The following SSBP4 variants were observed in gnomAD, a reference collection of about 807,000 sequenced individuals.
SSBP4 encodes the protein single stranded DNA binding protein 4, also known as single-stranded DNA-binding protein 4.
SSBP4 carries 33 observed loss-of-function variants against 64.6 expected under a neutral mutation model. The observed-to-expected ratio is 0.51, with a 90% CI of 0.39 to 0.68. The LOEUF (loss-of-function observed/expected upper bound fraction) is 0.68. Among genes scored for constraint, SSBP4 ranks in the 30% least tolerant of loss-of-function variants. SSBP4 has a pLI of 0.00. For missense variants in SSBP4, 583 were observed against 566.8 expected, an observed-to-expected ratio of 1.03 and a Z score of -0.29; for synonymous variants, 243 against 224.0, an observed-to-expected ratio of 1.08 and a Z score of -0.76.
chr19:18,433,043 T>G lies in SSBP4; in HGVS notation c.912T>G (p.Asn304Lys), dbSNP rs1447636989. 2 of 1,613,926 alleles carry G rather than the reference T, an allele frequency of 1.2e-6. No homozygotes were observed. The highest frequency in any genetic ancestry group is 1.7e-6 in the Non-Finnish European group (2 of 1,179,950). ...NPIGQGAGRA[N>K]FPLGPGPEGP... ...TCGGGCAGGGCGCCGGCAGGGCTAATGTGAGTGGGGGCTTGCAGGGGTGCT... is the reference window on the plus strand; with the variant it reads ...TCGGGCAGGGCGCCGGCAGGGCTAAGGTGAGTGGGGGCTTGCAGGGGTGCT... The change falls in exon 14 of 18, where the codon AAT becomes AAG. Residue 304 changes from asparagine to lysine, a missense_variant and splice_region_variant. Physicochemically the swap from Asn to Lys is moderately conservative, Grantham distance 94. Transcript: ENST00000270061.
the SSBP4 span, among the ~76,000 whole-genome samples, chr19:18,407,557 G>C: frequency 9.3e-5 from 14 of 150,814 alleles, 1 homozygote; most frequent in South Asian, 1.9e-3. Context: ...GCTGGGACTA[G>C]AGTAGCTGGG....
chr19:18,411,140 T>G, the SSBP4 span, among the ~76,000 whole-genome samples: 2 of 152,006 alleles, frequency 1.3e-5, no homozygotes, highest in African/African-American at 4.8e-5. Flanking sequence ...AGAAACCTCC[T>G]GCCCGCATGG....
chr19:18,414,221 G>C (rs1806914410), upstream of SSBP4, among the ~76,000 whole-genome samples: 1 of 152,162 alleles, frequency 6.6e-6, no homozygotes, highest in Non-Finnish European at 1.5e-5. Context: ...GAGTCTCCCA[G>C]ACCAGACAGG....
At chr19:18,419,191 A>T, upstream of SSBP4, 1 of 985,886 alleles carries the variant, frequency 1.0e-6, no homozygotes, top group Non-Finnish European at 1.2e-6. Context: ...TGCAGCCGCG[A>T]TCAGCTGTGC....
At chr19:18,409,548 C>T in the SSBP4 span, among the ~76,000 whole-genome samples, 2 of 152,038 alleles carry the variant, frequency 1.3e-5, no homozygotes, top group African/African-American at 4.8e-5. Context: ...AAAAAAAATG[C>T]CATGGCCAAA....
At chr19:18,429,292 G>T (rs1051280587) in intron 4 of SSBP4, among the ~76,000 whole-genome samples, 1 of 151,934 alleles carries the variant, frequency 6.6e-6, no homozygotes, top group African/African-American at 2.4e-5. Flanking sequence ...GCCGACCTTG[G>T]CGTCTCCAGG....
At position 18,427,286 on chromosome 19, in the gene SSBP4, A is replaced by ATT. The variant is rs1182617531; in HGVS notation, c.60-65_60-64insTT. On this transcript the variant is annotated intron_variant, in intron 1 of 17. Coordinates refer to ENST00000270061, the MANE Select transcript of SSBP4 (RefSeq NM_032627.5). This position sits in a 1 kb window ranked among gnomAD's most constrained non-coding sequence, Gnocchi z 4.4. ...TTCCACCCGCCCTCCTGAGAGATGG[A>ATT]GGGGCTTTGGGGTGGGCCCTTGCCT... The ATT allele has an allele frequency of 6.4e-7, 1 of 1,555,576 alleles. No individual in the cohort carries two copies. Among genetic ancestry groups the ATT allele is most frequent in the Non-Finnish European group, 8.7e-7 (1 of 1,143,248 alleles).
chr19:18,404,328 T>C, the SSBP4 span, among the ~76,000 whole-genome samples: 1 of 152,042 alleles, frequency 6.6e-6, no homozygotes, highest in Non-Finnish European at 1.5e-5. Context: ...GCATGGTGGC[T>C]GACGCCTGTA....
intron 1 of SSBP4, 42 bp downstream of exon 1, chr19:18,419,749 T>C: frequency 9.0e-7 from 1 of 1,114,764 alleles, no homozygotes; most frequent in Non-Finnish European, 1.1e-6. Context: ...TCCGCGCTCT[T>C]CCGTGGGCTC....
Position 18,432,090 on chromosome 19 carries a change from G to T in SSBP4, c.636+20G>T. 1 of 1,601,114 alleles carries T rather than the reference G, an allele frequency of 6.2e-7. No individual in the cohort carries two copies. The highest frequency in any genetic ancestry group is 8.5e-7 in the Non-Finnish European group (1 of 1,171,642). On this transcript the variant is annotated intron_variant, in intron 9 of 17. Transcript: ENST00000270061. ...CCCCAGGTAAGAGTGGAGCCCTGGT[G>T]GGTGGGGCCTTCGGGCTGTCCCCGG... is the stretch of plus-strand genomic sequence containing the variant.
Position 18,427,271 on chromosome 19 carries a change from C to T in SSBP4, c.60-80C>T, listed in dbSNP as rs1972921969. 1 of 1,492,102 alleles carries T rather than the reference C, an allele frequency of 6.7e-7. No homozygotes were observed. Among genetic ancestry groups the T allele is most frequent in the Non-Finnish European group, 9.1e-7 (1 of 1,093,292 alleles). The allele number at this position is 1,492,102 out of a possible 1,614,324, so 92.4% of individuals were successfully genotyped here. A position where few individuals can be genotyped will look rare whatever the true frequency, so the allele number is the denominator to read the frequency against. ...GTGGGGAGGCCACCTTTCCACCCGC[C>T]CTCCTGAGAGATGGAGGGGCTTTGG... is the stretch of plus-strand genomic sequence containing the variant. On this transcript the variant is annotated intron_variant, in intron 1 of 17. Transcript: ENST00000270061. This position sits in a 1 kb window ranked among gnomAD's most constrained non-coding sequence, Gnocchi z 4.4.
At position 18,433,496 on chromosome 19, in the gene SSBP4, G is replaced by A. The variant is rs1028079828; in HGVS notation, c.992-89G>A. On this transcript the variant is annotated intron_variant, in intron 15 of 17. Coordinates refer to ENST00000270061, the MANE Select transcript of SSBP4 (RefSeq NM_032627.5). Reference sequence around the variant, plus strand: ...GCGGGGCGGGGGCGCGTCGGCGGGGGCAGCTTGCGAGGGTCGTTGGCCCCT... The same window carrying A: ...GCGGGGCGGGGGCGCGTCGGCGGGGACAGCTTGCGAGGGTCGTTGGCCCCT... 22 of 1,468,352 alleles carry A rather than the reference G, an allele frequency of 1.5e-5. No individual in the cohort carries two copies. The Admixed American group carries it at 1.6e-4, about 11-fold the overall frequency. 91.0% of individuals were successfully genotyped at this position (1,468,352 alleles called of 1,614,324 possible). A position where few individuals can be genotyped will look rare whatever the true frequency, so the allele number is the denominator to read the frequency against.
rs1457508855 is a variant in SSBP4 at position 18,423,103 on chromosome 19, G to T, written c.59+3396G>T. Among the ~76,000 whole-genome samples the T allele has an allele frequency of 6.6e-6, 1 of 152,202 alleles. No individual in the cohort carries two copies. Among genetic ancestry groups the T allele is most frequent in the Non-Finnish European group, 1.5e-5 (1 of 68,026 alleles). Reference sequence around the variant, plus strand: ...CAGCAGAGTGGGCTGAGGGAGGCTGGGGTCTGAGTGGGCCACTTGCAAGAA... The same window carrying T: ...CAGCAGAGTGGGCTGAGGGAGGCTGTGGTCTGAGTGGGCCACTTGCAAGAA... On this transcript the variant is annotated intron_variant, in intron 1 of 17. Transcript: ENST00000270061. This position sits in a 1 kb window ranked among gnomAD's most constrained non-coding sequence, Gnocchi z 4.0.
rs773958581 is a variant in SSBP4, at chr19:18,433,092, G to C, written c.913-43G>C. The C allele has an allele frequency of 3.1e-6, 5 of 1,613,476 alleles. No homozygotes were observed. The Admixed American group carries it at 8.3e-5, about 27-fold the overall frequency. ...CTTCTCGAGGCGGTGACCCCACTTG[G>C]GGAATGGGTGGCCCGAGTCCCACGC... On this transcript the variant is annotated intron_variant, in intron 14 of 17. Transcript: ENST00000270061.
chr19:18,429,235 GGGGGA>G (rs1189695165), intron 4 of SSBP4, among the ~76,000 whole-genome samples: 1 of 152,072 alleles, frequency 6.6e-6, no homozygotes, highest in Non-Finnish European at 1.5e-5. Context: ...CCTCCGAGGC[GGGGGA>G]GGGGGGCGGG....
At chr19:18,422,389 T>C (rs998362160) in intron 1 of SSBP4, among the ~76,000 whole-genome samples, 2 of 152,048 alleles carry the variant, frequency 1.3e-5, no homozygotes, top group Non-Finnish European at 2.9e-5. Context: ...CAGCTGCCAG[T>C]GGGGAGGCTG....
At chr19:18,404,270 C>G in the SSBP4 span, among the ~76,000 whole-genome samples, 1 of 151,918 alleles carries the variant, frequency 6.6e-6, no homozygotes, top group Admixed American at 6.6e-5. Flanking sequence ...CAGAGACCCT[C>G]AGAGATCCCC....
upstream of SSBP4, among the ~76,000 whole-genome samples, chr19:18,416,865 G>A (rs941612074): frequency 6.6e-6 from 1 of 152,196 alleles, no homozygotes; most frequent in Non-Finnish European, 1.5e-5. Flanking sequence ...CGCAAGGCGT[G>A]CGCCCTGGTT....
rs367852021 is a variant in SSBP4 at position 18,433,050 on chromosome 19, G to C, written c.912+7G>C. ...GGGCGCCGGCAGGGCTAATGTGAGT[G>C]GGGGCTTGCAGGGGTGCTTCTCGAG... On this transcript the variant is annotated splice_region_variant and intron_variant, in intron 14 of 17. Transcript: ENST00000270061. 100 of 1,614,024 alleles carry C rather than the reference G, an allele frequency of 6.2e-5. No individual in the cohort carries two copies. In the African/African-American group the frequency reaches 8.4e-4, roughly 14 times the overall value.
Sources: gnomAD v4.1 joint callset for allele counts (sites outside exome capture counted in the v4.1 genomes callset) on GRCh38, gnomAD v4.1.1 for gene constraint, Gnocchi (gnomAD v3.1) non-coding constraint, MANE v1.5 for transcripts, NCBI Gene and HGNC (gene_info 2026-07-23, HGNC 2026-07-21) for gene names.